Variants in NAV2 observed in about 807,000 individuals in gnomAD.
NAV2 encodes the protein neuron navigator 2.
NAV2 carries 54 observed loss-of-function variants against 223.2 expected under a neutral mutation model. The observed-to-expected ratio is 0.24, with a 90% CI of 0.19 to 0.30. The LOEUF (loss-of-function observed/expected upper bound fraction) is 0.30, where lower values mean the gene tolerates loss of function less well. NAV2 is among the 10% of genes least tolerant of loss of function. The pLI is 1.00. For synonymous variants in NAV2, 1,279 were observed against 1,239.3 expected (o/e 1.03, Z -0.67); for missense variants, 2,806 against 3,147.5 (o/e 0.89, Z 2.60).
chr11:19,372,044 G>A (rs1253922870), intron 1 of NAV2, among the ~76,000 whole-genome samples: 3 of 152,082 alleles, frequency 2.0e-5, no homozygotes, highest in Non-Finnish European at 2.9e-5. Flanking sequence ...CTCCTGAAGC[G>A]CTGGGATTAC....
intron 25 of NAV2, among the ~76,000 whole-genome samples, chr11:20,080,861 G>T (rs938244725): frequency 1.3e-5 from 2 of 152,136 alleles, no homozygotes. Flanking sequence ...GCCTTGAGTG[G>T]TTTTTTCCAC....
At chr11:19,364,930 T>C (rs571564214) in intron 1 of NAV2, among the ~76,000 whole-genome samples, 33 of 152,256 alleles carry the variant, frequency 2.2e-4, no homozygotes, top group Non-Finnish European at 4.1e-4. Flanking sequence ...ACAACAATAT[T>C]TCGGTTTTCG....
intron 1 of NAV2, among the ~76,000 whole-genome samples, chr11:19,491,193 T>C (rs1191339411): frequency 6.6e-6 from 1 of 152,122 alleles, no homozygotes; most frequent in Non-Finnish European, 1.5e-5. Context: ...TAAATGGGCA[T>C]TGGCATCAAC....
At chr11:19,580,835 A>G (rs1398172855) in intron 1 of NAV2, among the ~76,000 whole-genome samples, 1 of 152,196 alleles carries the variant, frequency 6.6e-6, no homozygotes, top group Admixed American at 6.5e-5. Flanking sequence ...AGGTATGTGA[A>G]TGTTCAACTT....
chr11:19,586,139 T>A (rs2045891291), intron 1 of NAV2, among the ~76,000 whole-genome samples: 1 of 152,240 alleles, frequency 6.6e-6, no homozygotes, highest in African/African-American at 2.4e-5. Context: ...TTATCTTCCA[T>A]CACTGATACC....
chr11:19,783,075 G>T lies in NAV2; in HGVS notation c.268-49409G>T, dbSNP rs73433681. ...ACAAATGAATCTATAGGAAAGCAAG[G>T]CACTTTAAATGGGATTTATCAGCTC... is the stretch of plus-strand genomic sequence containing the variant. On this transcript the variant is annotated intron_variant, in intron 1 of 37. Coordinates refer to ENST00000349880, the MANE Select transcript of NAV2 (RefSeq NM_145117.5). 6.1e-3 allele frequency among the ~76,000 whole-genome samples: 933 copies of T among 152,278 alleles called. 8 individuals carry two copies. The highest frequency in any genetic ancestry group is 0.021 in the African/African-American group (865 of 41,556).
intron 8 of NAV2, among the ~76,000 whole-genome samples, chr11:19,945,223 CT>C (rs1565615527): frequency 9.1e-5 from 11 of 120,802 alleles, no homozygotes; most frequent in Non-Finnish European, 1.8e-4. Flanking sequence ...TTCCTTCCTT[CT>C]TTTCTTTCTT....
intron 4 of NAV2, among the ~76,000 whole-genome samples, chr11:19,877,757 C>A (rs1482707838): frequency 6.6e-6 from 1 of 152,096 alleles, no homozygotes; most frequent in Admixed American, 6.6e-5. Context: ...CAGGCGTGAG[C>A]CACCGTGCCT....
chr11:20,114,344 A>G (rs2153724781), intron 36 of NAV2: 1 of 560,810 alleles, frequency 1.8e-6, no homozygotes, highest in East Asian at 3.0e-5. Context: ...GGCAGAGCTG[A>G]GACATGAACC....
chr11:19,884,184 G>C, intron 5 of NAV2: 1 of 745,868 alleles, frequency 1.3e-6, no homozygotes, highest in Non-Finnish European at 2.3e-6. Context: ...GGCAGGGGGG[G>C]AAAGAAACAG....
intron 35 of NAV2, among the ~76,000 whole-genome samples, chr11:20,107,057 ATTTTTTTTTTTT>A (rs10590815): frequency 7.3e-5 from 2 of 27,254 alleles, no homozygotes; most frequent in African/African-American, 2.7e-4. Flanking sequence ...ATGGGCTTCC[ATTTTTTTTTTTT>A]TTTTTTTTTT....
chr11:19,976,046 C>T (rs185638496), intron 10 of NAV2, among the ~76,000 whole-genome samples: 124 of 152,212 alleles, frequency 8.1e-4, no homozygotes, highest in African/African-American at 2.9e-3. Context: ...TACTCTATAG[C>T]GTGCAAAAAC....
intron 36 of NAV2, among the ~76,000 whole-genome samples, chr11:20,113,855 G>C (rs548574957): frequency 4.6e-5 from 7 of 151,958 alleles, no homozygotes; most frequent in East Asian, 3.9e-4. Context: ...AAAAAAAAAT[G>C]TTTTAAAAAT....
At chr11:19,643,870 G>A (rs1389358488) in intron 1 of NAV2, among the ~76,000 whole-genome samples, 1 of 152,206 alleles carries the variant, frequency 6.6e-6, no homozygotes, top group Non-Finnish European at 1.5e-5. Context: ...ACTGGTGTGA[G>A]ATGGTATCTC....
At chr11:20,051,373 G>A (rs751976119) in intron 17 of NAV2, 40 bp downstream of exon 17, 1 of 1,602,244 alleles carries the variant, frequency 6.2e-7, no homozygotes, top group South Asian at 1.1e-5. Flanking sequence ...CATCTGTTGT[G>A]GCTTTGGAGC....
At chr11:19,583,900 T>A (rs1287934679) in intron 1 of NAV2, among the ~76,000 whole-genome samples, 1 of 152,226 alleles carries the variant, frequency 6.6e-6, no homozygotes. Context: ...ACAAAATGAG[T>A]TAGGGAGGAT....
chr11:19,914,689 C>T (rs7944573), intron 6 of NAV2, among the ~76,000 whole-genome samples: 105,191 of 151,396 alleles, frequency 0.69, 39,699 homozygotes, highest in Non-Finnish European at 0.86. Flanking sequence ...GGACTACAGG[C>T]GCCCGCCACC....
chr11:19,669,902 G>A lies in NAV2; in HGVS notation c.76-162582G>A, dbSNP rs573584329. On this transcript the variant is annotated intron_variant, in intron 1 of 37. Transcript: ENST00000360655. ...GGGTCAGATTTTAAATCCCACTTGGGATCTAGATCTCAAGATTTTCTAAAA... is the reference window on the plus strand; with the variant it reads ...GGGTCAGATTTTAAATCCCACTTGGAATCTAGATCTCAAGATTTTCTAAAA... Among the ~76,000 whole-genome samples, 30 of 152,256 alleles carry A rather than the reference G, an allele frequency of 2.0e-4. 1 individual carries two copies. Among genetic ancestry groups the A allele is most frequent in the African/African-American group, 7.2e-4 (30 of 41,546 alleles).
chr11:19,461,331 A>G (rs1852151775), intron 1 of NAV2, among the ~76,000 whole-genome samples: 1 of 152,216 alleles, frequency 6.6e-6, no homozygotes, highest in African/African-American at 2.4e-5. Flanking sequence ...TTTTATTGCC[A>G]AGAATCAGAG....
Sources: allele counts gnomAD v4.1 joint callset (sites outside exome capture counted in the v4.1 genomes callset), GRCh38; gene constraint gnomAD v4.1.1; transcripts MANE v1.5; gene names NCBI Gene and HGNC (gene_info 2026-07-23, HGNC 2026-07-21).